Variants in HNRNPLL observed in about 807,000 individuals in gnomAD.
HNRNPLL encodes heterogeneous nuclear ribonucleoprotein L-like.
Under a neutral mutation model 67.1 loss-of-function variants are expected in HNRNPLL, and 25 were observed. The observed-to-expected ratio is 0.37, with a 90% CI of 0.27 to 0.52. The LOEUF (loss-of-function observed/expected upper bound fraction) is 0.52. Ranked by LOEUF, HNRNPLL falls within the 20% of genes least tolerant of loss-of-function variation. HNRNPLL has a pLI of 0.90. For synonymous variants in HNRNPLL, 267 were observed against 241.7 expected, an observed-to-expected ratio of 1.10 and a Z score of -0.97; for missense variants, 542 against 673.9, an observed-to-expected ratio of 0.80 and a Z score of 2.17.
intron 6 of HNRNPLL, among the ~76,000 whole-genome samples, chr2:38,578,354 C>T (rs951004530): frequency 2.0e-5 from 3 of 152,008 alleles, no homozygotes; most frequent in Non-Finnish European, 4.4e-5. Flanking sequence ...TAAAATAGCA[C>T]CTCCTATGTT....
At chr2:38,573,482 T>C in intron 7 of HNRNPLL, 55 bp from the exon 8 acceptor site, 1 of 1,162,508 alleles carries the variant, frequency 8.6e-7, no homozygotes, top group African/African-American at 1.6e-5. Flanking sequence ...TAGTTGTTTG[T>C]AAATACTTTA....
intron 1 of HNRNPLL, among the ~76,000 whole-genome samples, chr2:38,593,572 T>C (rs932321636): frequency 2.6e-5 from 4 of 152,154 alleles, no homozygotes; most frequent in African/African-American, 9.7e-5. Flanking sequence ...GGGAAGATTC[T>C]ATATGGAGAC....
At chr2:38,600,440 G>C (rs1385462574) in intron 1 of HNRNPLL, among the ~76,000 whole-genome samples, 2 of 152,112 alleles carry the variant, frequency 1.3e-5, no homozygotes, top group Non-Finnish European at 2.9e-5. Context: ...CAAATTGTAT[G>C]CTAAGACCAG....
chr2:38,577,237 T>C (rs913596914), intron 7 of HNRNPLL, among the ~76,000 whole-genome samples: 14 of 151,808 alleles, frequency 9.2e-5, no homozygotes, highest in Non-Finnish European at 1.3e-4. Flanking sequence ...AAGTATTCAA[T>C]CCCCAACTAG....
At chr2:38,592,300 T>A (rs1204441680) in intron 1 of HNRNPLL, among the ~76,000 whole-genome samples, 1 of 152,174 alleles carries the variant, frequency 6.6e-6, no homozygotes, top group Non-Finnish European at 1.5e-5. Context: ...AATCAAAATC[T>A]CAACTAGTAC....
At chr2:38,583,375 G>A (rs1666610416) in intron 4 of HNRNPLL, among the ~76,000 whole-genome samples, 2 of 152,088 alleles carry the variant, frequency 1.3e-5, no homozygotes, top group Non-Finnish European at 2.9e-5. Context: ...GTCCAGCTTG[G>A]GGGAAAGTGT....
At position 38,568,230 on chromosome 2, in the gene HNRNPLL, C is replaced by G; in HGVS notation, c.1542G>C (p.Thr514=). Residue 514 remains threonine (T), a synonymous_variant, in exon 12 of 13, where the codon ACG becomes ACC. Coordinates refer to ENST00000449105, the MANE Select transcript of HNRNPLL (RefSeq NM_138394.4). ...CTCTTATCTGATAGTGATTCAGTGC[C>G]GTAAGGGCTTCTACTGCATCAGTTT... The part of the protein sequence containing the change: ...ECKTDAVEAL[T]ALNHYQIRVP... The G allele has an allele frequency of 1.2e-6, 2 of 1,612,852 alleles. No individual in the cohort carries two copies.
intron 7 of HNRNPLL, among the ~76,000 whole-genome samples, chr2:38,576,436 A>T (rs1246518963): frequency 1.3e-5 from 2 of 151,852 alleles, no homozygotes; most frequent in Non-Finnish European, 2.9e-5. Context: ...CACATTCACT[A>T]AACCAGCTGT....
chr2:38,601,495 C>T (rs1305330342), intron 1 of HNRNPLL: 1 of 152,122 alleles, frequency 6.6e-6, no homozygotes, highest in Non-Finnish European at 1.5e-5. Context: ...TCATTAAAAC[C>T]GCTTAAGTGC....
intron 1 of HNRNPLL, among the ~76,000 whole-genome samples, chr2:38,591,930 C>T (rs1490886454): frequency 6.6e-6 from 1 of 151,874 alleles, no homozygotes; most frequent in Non-Finnish European, 1.5e-5. Context: ...GAGCCAAGAT[C>T]GCGCCACTGC....
chr2:38,599,890 T>C (rs1667353424), intron 1 of HNRNPLL: 1 of 471,426 alleles, frequency 2.1e-6, no homozygotes, highest in Non-Finnish European at 4.4e-6. Flanking sequence ...GCCATCATTG[T>C]ACCTAACCTG....
chr2:38,601,444 TA>T (rs1468985066), intron 1 of HNRNPLL, among the ~76,000 whole-genome samples: 11 of 152,372 alleles, frequency 7.2e-5, no homozygotes, highest in Admixed American at 2.6e-4. Context: ...TTTGCAGAAT[TA>T]ATCACAATTC....
chr2:38,593,898 GGCACAGTGGCTTAC>G (rs1395587238), intron 1 of HNRNPLL, among the ~76,000 whole-genome samples: 4 of 149,030 alleles, frequency 2.7e-5, no homozygotes, highest in Non-Finnish European at 5.9e-5. Flanking sequence ...ATGCTGGCCG[GGCACAGTGGCTTAC>G]GCCTGCAATC....
chr2:38,582,049 AG>A, intron 5 of HNRNPLL, 22 bp downstream of exon 5: 2 of 1,600,106 alleles, frequency 1.2e-6, no homozygotes, highest in African/African-American at 2.7e-5. Flanking sequence ...TTTCTTGGGT[AG>A]GGTGTTGAAA....
chr2:38,575,904 T>A (rs776784327), intron 7 of HNRNPLL, among the ~76,000 whole-genome samples: 3 of 151,756 alleles, frequency 2.0e-5, no homozygotes, highest in Non-Finnish European at 4.4e-5. Flanking sequence ...TTTCCTCCTA[T>A]ACCCCAATTC....
At chr2:38,574,221 A>T (rs1227331652) in intron 7 of HNRNPLL, among the ~76,000 whole-genome samples, 1 of 151,918 alleles carries the variant, frequency 6.6e-6, no homozygotes, top group East Asian at 1.9e-4. Flanking sequence ...ACAAAAAATA[A>T]AGCTAGAGTG....
Position 38,602,685 on chromosome 2 carries a change from T to A in HNRNPLL, c.-59A>T. 1 of 1,424,666 alleles carries A rather than the reference T, an allele frequency of 7.0e-7. No individual in the cohort carries two copies. The highest frequency in any genetic ancestry group is 1.5e-5 in the South Asian group (1 of 66,820). The allele number at this position is 1,424,666 out of a possible 1,614,324, so 88.3% of individuals were successfully genotyped here. ...TGGGGGTGGCGGTGGGGCGCGCGCC[T>A]CGGATGCCGCCGGCCAGTCCTCGCC... On this transcript the variant is annotated 5_prime_UTR_variant, in exon 1 of 13. Transcript: ENST00000449105.
chr2:38,585,898 G>A lies in HNRNPLL; in HGVS notation c.309-17C>T, dbSNP rs1222313715. ...ATCACATAGCTGAAAAGGGAGAAAA[G>A]GAGGAAACACACAAACACAGCAAGT... On this transcript the variant is annotated splice_polypyrimidine_tract_variant and intron_variant, in intron 2 of 12. Coordinates refer to ENST00000449105, the MANE Select transcript of HNRNPLL (RefSeq NM_138394.4). 1 of 1,433,460 alleles carries A rather than the reference G, an allele frequency of 7.0e-7. No individual in the cohort carries two copies. The highest frequency in any genetic ancestry group is 1.1e-5 in the South Asian group (1 of 87,522). The allele number at this position is 1,433,460 out of a possible 1,614,324, so 88.8% of individuals were successfully genotyped here.
At chr2:38,599,051 G>A (rs995213345) in intron 1 of HNRNPLL, among the ~76,000 whole-genome samples, 2 of 152,170 alleles carry the variant, frequency 1.3e-5, no homozygotes, top group Admixed American at 1.3e-4. Flanking sequence ...GCATCTAACA[G>A]ATCACAGTAA....
Sources: gnomAD v4.1 joint callset for allele counts (sites outside exome capture counted in the v4.1 genomes callset) on GRCh38, gnomAD v4.1.1 for gene constraint, MANE v1.5 for transcripts, NCBI Gene and HGNC (gene_info 2026-07-23, HGNC 2026-07-21) for gene names.